The following PIWIL1 variants were observed in gnomAD, a reference collection of about 807,000 sequenced individuals.
The protein encoded by PIWIL1 is piwi like RNA-mediated gene silencing 1.
In PIWIL1, 73 loss-of-function variants were observed where a neutral mutation model predicts 114.4. That is an observed-to-expected ratio of 0.64 (90% CI 0.53 to 0.78). The LOEUF (loss-of-function observed/expected upper bound fraction) is 0.78. PIWIL1 is among the 30% of genes least tolerant of loss of function. The pLI is 0.00. For synonymous variants in PIWIL1, 375 were observed against 369.0 expected (o/e 1.02, Z -0.19); for missense variants, 723 against 1,063.1 (o/e 0.68, Z 4.45).
chr12:130,362,678 T>C (rs2073546771), intron 16 of PIWIL1, 88 bp from the exon 17 acceptor site: 1 of 1,123,000 alleles, frequency 8.9e-7, no homozygotes, highest in Non-Finnish European at 1.3e-6. Context: ...GACAGATTGC[T>C]AAGAGTGAAA....
rs773637640 is a variant in PIWIL1, at chr12:130,363,171, T to G, written c.2195+27T>G. ...TAAGCATGCAAATTGTAAAGCATTT[T>G]CTTTTTATAAAACTGCACCTTTGTA... On this transcript the variant is annotated intron_variant, in intron 18 of 20. Coordinates refer to ENST00000245255, the MANE Select transcript of PIWIL1 (RefSeq NM_004764.5). 7 of 1,607,586 alleles carry G rather than the reference T, an allele frequency of 4.4e-6. No homozygotes were observed. The African/African-American group carries it at 9.4e-5, about 21-fold the overall frequency.
the PIWIL1 span, among the ~76,000 whole-genome samples, chr12:130,418,126 C>T: frequency 1.3e-5 from 2 of 152,160 alleles, no homozygotes; most frequent in Non-Finnish European, 2.9e-5. Flanking sequence ...AAATAAAACA[C>T]GCAGTCTAAC....
chr12:130,421,691 A>ATGTGTGTGTGTGTGTG, the PIWIL1 span, among the ~76,000 whole-genome samples: 1,535 of 147,250 alleles, frequency 0.01, 28 homozygotes, highest in African/African-American at 0.035. Context: ...CTGCATTTAT[A>ATGTGTGTGTGTGTGTG]TGTGTGTGTG....
At chr12:130,352,877 A>G (rs962446894) in intron 9 of PIWIL1, among the ~76,000 whole-genome samples, 5 of 152,150 alleles carry the variant, frequency 3.3e-5, no homozygotes, top group Non-Finnish European at 7.4e-5. Context: ...GTGGAGGGTA[A>G]CTGTTCCCAG....
At chr12:130,424,687 C>T in the PIWIL1 span, 1 of 1,231,798 alleles carries the variant, frequency 8.1e-7, no homozygotes, top group Non-Finnish European at 1.0e-6. The surrounding 1 kb of genome is among the most constrained non-coding windows in gnomAD (Gnocchi z 9.8). Flanking sequence ...CTGGCCAGCC[C>T]CGTCCTGGCC....
intron 1 of PIWIL1, among the ~76,000 whole-genome samples, chr12:130,341,851 A>G (rs2072925164): frequency 6.6e-6 from 1 of 152,228 alleles, no homozygotes; most frequent in South Asian, 2.1e-4. Context: ...ATCCCAGCTC[A>G]CAGGAAGCAC....
chr12:130,399,837 A>C, the PIWIL1 span: 1 of 1,613,110 alleles, frequency 6.2e-7, no homozygotes, highest in Non-Finnish European at 8.5e-7. Flanking sequence ...GGTGAGGCAG[A>C]AGAACTATTT....
chr12:130,401,277 G>A, the PIWIL1 span, among the ~76,000 whole-genome samples: 24 of 151,986 alleles, frequency 1.6e-4, no homozygotes, highest in Middle Eastern at 3.4e-3. Context: ...CACCATGCCC[G>A]GCTAATTTTT....
At chr12:130,360,711 G>A (rs192406340) in intron 14 of PIWIL1, among the ~76,000 whole-genome samples, 44 of 152,308 alleles carry the variant, frequency 2.9e-4, no homozygotes, top group African/African-American at 7.7e-4. Context: ...GAGATCAGGC[G>A]CTCTGTTTTG....
At chr12:130,340,638 A>AGGGG (rs1252877689) in intron 1 of PIWIL1, among the ~76,000 whole-genome samples, 2 of 3,152 alleles carry the variant, frequency 6.3e-4, no homozygotes, top group Non-Finnish European at 1.4e-3. Flanking sequence ...TGGTTGGGGG[A>AGGGG]GGGGGGGTGG....
At chr12:130,413,207 C>A in the PIWIL1 span, among the ~76,000 whole-genome samples, 2 of 152,028 alleles carry the variant, frequency 1.3e-5, no homozygotes, top group African/African-American at 4.8e-5. Context: ...GCAGGCATTC[C>A]GACCGTTCTC....
In PIWIL1 at chr12:130,345,826, T is replaced by A. The variant is rs1229145819; in HGVS notation, c.264T>A (p.Asp88Glu). 1.2e-6 allele frequency: 2 copies of A among 1,614,004 alleles called. No individual in the cohort carries two copies. The highest frequency in any genetic ancestry group is 8.5e-7 in the Non-Finnish European group (1 of 1,179,900). ...ERGGRRRDFHDLGVNTRQNLD... is the reference protein window; with the variant it reads ...ERGGRRRDFHELGVNTRQNLD... ...GAGGTCGTCGTAGAGATTTTCATGA[T>A]CTTGGTGTGAATACAAGGCAGAACC... is the stretch of plus-strand genomic sequence containing the variant. Residue 88 changes from aspartate to glutamate, a missense_variant, in exon 4 of 21, where the codon GAT becomes GAA. Asp to Glu is a conservative substitution (Grantham distance 45). This residue lies in a region of PIWIL1 where 190 missense variants were observed against 294.4 expected (regional missense o/e 0.65). Transcript: ENST00000245255.
At chr12:130,420,135 T>C in the PIWIL1 span, among the ~76,000 whole-genome samples, 2 of 152,230 alleles carry the variant, frequency 1.3e-5, no homozygotes, top group South Asian at 2.1e-4. This position sits in a 1 kb window ranked among gnomAD's most constrained non-coding sequence, Gnocchi z 4.3. Context: ...TCCTGTCTGT[T>C]CAGCTGTCAC....
At chr12:130,345,131 T>A (rs542353327) in intron 3 of PIWIL1, among the ~76,000 whole-genome samples, 1 of 152,238 alleles carries the variant, frequency 6.6e-6, no homozygotes, top group African/African-American at 2.4e-5. Context: ...TAGGTTCTTA[T>A]AACCACAGCT....
At chr12:130,350,581 A>G (rs927912240) in intron 9 of PIWIL1, among the ~76,000 whole-genome samples, 2 of 152,210 alleles carry the variant, frequency 1.3e-5, no homozygotes, top group African/African-American at 4.8e-5. Flanking sequence ...TGAACTGTTC[A>G]TGTAAGAATG....
At chr12:130,424,618 G>A in the PIWIL1 span, 1 of 1,231,756 alleles carries the variant, frequency 8.1e-7, no homozygotes, top group Non-Finnish European at 1.0e-6. The surrounding 1 kb of genome is among the most constrained non-coding windows in gnomAD (Gnocchi z 9.8). Flanking sequence ...TGCTTCACCG[G>A]GAACCAGGAG....
the PIWIL1 span, among the ~76,000 whole-genome samples, chr12:130,391,460 C>A: frequency 6.6e-6 from 1 of 152,224 alleles, no homozygotes; most frequent in Non-Finnish European, 1.5e-5. Flanking sequence ...CAGAAGGCAG[C>A]ATTGTTGTTT....
At chr12:130,354,396 TA>T (rs1465492564) in intron 9 of PIWIL1, 140 bp from the exon 10 acceptor site, 11 of 1,099,060 alleles carry the variant, frequency 1.0e-5, no homozygotes, top group Non-Finnish European at 1.3e-5. Context: ...AATGCCTTTT[TA>T]AAACTTTACT....
intron 19 of PIWIL1, among the ~76,000 whole-genome samples, chr12:130,368,719 C>T (rs978808939): frequency 1.3e-5 from 2 of 152,140 alleles, no homozygotes; most frequent in African/African-American, 2.4e-5. Context: ...CTACTCCTAA[C>T]GCCAAAGCCC....
Sources: gnomAD v4.1 joint callset for allele counts (sites outside exome capture counted in the v4.1 genomes callset) on GRCh38, gnomAD v4.1.1 for gene constraint, gnomAD v4.1.1 regional missense constraint, Gnocchi (gnomAD v3.1) non-coding constraint, MANE v1.5 for transcripts, NCBI Gene and HGNC (gene_info 2026-07-23, HGNC 2026-07-21) for gene names.